The following CSMD1 variants were observed in gnomAD, a reference collection of about 807,000 sequenced individuals.
CSMD1 encodes the protein CUB and sushi domain-containing protein 1.
CSMD1 carries 213 observed loss-of-function variants against 417.5 expected under a neutral mutation model. The ratio of observed to expected loss-of-function variants is 0.51; its 90% CI spans 0.46 to 0.57. The LOEUF (loss-of-function observed/expected upper bound fraction) is 0.57, where lower values mean the gene tolerates loss of function less well. Ranked by LOEUF, CSMD1 falls within the 20% of genes least tolerant of loss-of-function variation. The probability of loss-of-function intolerance (pLI) is 0.00; values close to 1 mark genes in which losing one functional copy is unlikely to be tolerated. For synonymous variants in CSMD1, 2,862 were observed against 1,736.8 expected, an observed-to-expected ratio of 1.65 and a Z score of -16.11; for missense variants, 6,923 against 4,529.7, an observed-to-expected ratio of 1.53 and a Z score of -15.17.
At chr8:4,343,508 CATATCAA>C (rs78486518) in intron 3 of CSMD1, among the ~76,000 whole-genome samples, 203 of 152,036 alleles carry the variant, frequency 1.3e-3, no homozygotes, top group Non-Finnish European at 2.3e-3. Context: ...ATTCACAATG[CATATCAA>C]ATATCAAATT....
At chr8:3,042,479 G>A (rs1003522186) in intron 50 of CSMD1, among the ~76,000 whole-genome samples, 1 of 152,058 alleles carries the variant, frequency 6.6e-6, no homozygotes, top group Non-Finnish European at 1.5e-5. Flanking sequence ...AGATGAGGTG[G>A]GGATGGGACC....
intron 18 of CSMD1, among the ~76,000 whole-genome samples, chr8:3,384,309 T>A (rs549177276): frequency 1.3e-5 from 2 of 152,160 alleles, no homozygotes; most frequent in African/African-American, 4.8e-5. Flanking sequence ...TGTACATTTT[T>A]AAACATTTTT....
chr8:3,929,200 T>TCTG (rs1428386813), intron 5 of CSMD1, among the ~76,000 whole-genome samples: 1 of 150,334 alleles, frequency 6.7e-6, no homozygotes, highest in Non-Finnish European at 1.5e-5. Context: ...AGCTCTTGCC[T>TCTG]CTGCACATGG....
intron 1 of CSMD1, among the ~76,000 whole-genome samples, chr8:4,655,771 C>T (rs557625541): frequency 2.6e-5 from 4 of 152,178 alleles, no homozygotes; most frequent in South Asian, 2.1e-4. Flanking sequence ...GTATAATTTA[C>T]GTTGATATAA....
intron 25 of CSMD1, among the ~76,000 whole-genome samples, chr8:3,295,616 C>G (rs1201343731): frequency 5.9e-5 from 9 of 152,220 alleles, no homozygotes; most frequent in Non-Finnish European, 1.5e-5. Context: ...AAGGATCTTT[C>G]TAGGCCAGCA....
At chr8:4,389,200 G>C (rs989212625) in intron 3 of CSMD1, among the ~76,000 whole-genome samples, 1 of 152,104 alleles carries the variant, frequency 6.6e-6, no homozygotes, top group Non-Finnish European at 1.5e-5. Flanking sequence ...ACTTTTTCTG[G>C]AGGGAGTGGG....
chr8:4,631,191 T>C (rs543293693), intron 2 of CSMD1, among the ~76,000 whole-genome samples: 1 of 151,912 alleles, frequency 6.6e-6, no homozygotes, highest in East Asian at 1.9e-4. Flanking sequence ...TGAAACCCTG[T>C]CTCTATTAAA....
At chr8:4,450,879 C>A (rs577802617) in intron 2 of CSMD1, among the ~76,000 whole-genome samples, 2 of 152,058 alleles carry the variant, frequency 1.3e-5, no homozygotes, top group African/African-American at 4.8e-5. Context: ...ATTCTTCCAA[C>A]CAGATTGCGC....
At chr8:4,808,769 C>A (rs770029301) in intron 1 of CSMD1, among the ~76,000 whole-genome samples, 2 of 152,172 alleles carry the variant, frequency 1.3e-5, no homozygotes, top group Non-Finnish European at 2.9e-5. Context: ...TTATTTAGAA[C>A]CTTGGTATCA....
chr8:4,533,377 G>C (rs1391180764), intron 2 of CSMD1, among the ~76,000 whole-genome samples: 2 of 152,158 alleles, frequency 1.3e-5, no homozygotes, highest in African/African-American at 4.8e-5. Flanking sequence ...TTTGATCCCA[G>C]AGCTGTGAGA....
Position 3,284,355 on chromosome 8 carries a change from G to C in CSMD1, c.3951-9C>G, listed in dbSNP as rs368347891. The C allele has an allele frequency of 3.1e-6, 5 of 1,606,662 alleles. No homozygotes were observed. Among genetic ancestry groups the C allele is most frequent in the Non-Finnish European group, 1.7e-6 (2 of 1,174,292 alleles). ...AAACAATGAAATGGAGGCTGCAAGA[G>C]AGAACACAGTAGCGCTACTTGCCGT... On this transcript the variant is annotated splice_polypyrimidine_tract_variant and intron_variant, in intron 25 of 69. Coordinates refer to ENST00000635120, the MANE Select transcript of CSMD1 (RefSeq NM_033225.6).
chr8:4,877,100 C>T (rs1050756417), intron 1 of CSMD1, among the ~76,000 whole-genome samples: 3 of 151,950 alleles, frequency 2.0e-5, no homozygotes, highest in African/African-American at 7.3e-5. Flanking sequence ...TATTGAATTC[C>T]ATTTATAAAG....
intron 3 of CSMD1, among the ~76,000 whole-genome samples, chr8:4,383,384 G>A (rs1337681031): frequency 2.6e-5 from 4 of 152,214 alleles, no homozygotes; most frequent in Non-Finnish European, 1.5e-5. Context: ...TGTTTACTTG[G>A]GGGCTACATT....
At chr8:4,374,581 G>A (rs1024746297) in intron 3 of CSMD1, among the ~76,000 whole-genome samples, 1 of 152,076 alleles carries the variant, frequency 6.6e-6, no homozygotes, top group Non-Finnish European at 1.5e-5. Context: ...ATGAGCCATG[G>A]GAAGACAAGG....
At chr8:4,477,456 G>T (rs552500504) in intron 2 of CSMD1, among the ~76,000 whole-genome samples, 2 of 152,188 alleles carry the variant, frequency 1.3e-5, no homozygotes, top group African/African-American at 2.4e-5. Context: ...TAAAACACAT[G>T]ATTTTCAGAT....
intron 4 of CSMD1, among the ~76,000 whole-genome samples, chr8:4,016,503 G>C (rs935938686): frequency 1.3e-5 from 2 of 152,098 alleles, no homozygotes; most frequent in Admixed American, 6.5e-5. Context: ...GGACAAGGAG[G>C]TCCAAGGTTT....
At chr8:3,895,835 G>A (rs11997878) in intron 5 of CSMD1, among the ~76,000 whole-genome samples, 2 of 151,994 alleles carry the variant, frequency 1.3e-5, no homozygotes, top group Non-Finnish European at 2.9e-5. Context: ...GCTCTGACCT[G>A]GCTTGTTCCC....
chr8:4,325,175 T>C lies in CSMD1; in HGVS notation c.415+94778A>G, dbSNP rs148342284. Among the ~76,000 whole-genome samples the C allele has an allele frequency of 3.3e-5, 5 of 152,192 alleles. No individual in the cohort carries two copies. In the East Asian group the frequency reaches 9.7e-4, roughly 29 times the overall value. ...ACAGGGGAAAGAGGAGAAAAATAAA[T>C]ATAACAAAGGAAACTGTCATGAAAA... On this transcript the variant is annotated intron_variant, in intron 3 of 69. Coordinates refer to ENST00000635120, the MANE Select transcript of CSMD1 (RefSeq NM_033225.6).
At chr8:3,606,221 G>C (rs887796158) in intron 8 of CSMD1, among the ~76,000 whole-genome samples, 1 of 152,118 alleles carries the variant, frequency 6.6e-6, no homozygotes, top group Non-Finnish European at 1.5e-5. Context: ...GTCTTTTAAG[G>C]CCAGGATGCA....
Sources: gnomAD v4.1 joint callset for allele counts (sites outside exome capture counted in the v4.1 genomes callset) on GRCh38, gnomAD v4.1.1 for gene constraint, MANE v1.5 for transcripts, NCBI Gene and HGNC (gene_info 2026-07-23, HGNC 2026-07-21) for gene names.